ZNF454: variants seen among roughly 807,000 people sequenced by gnomAD.
The protein encoded by ZNF454 is zinc finger protein 454.
A neutral mutation model predicts 48.2 loss-of-function variants in ZNF454; 30 were observed. The ratio of observed to expected loss-of-function variants is 0.62; its 90% CI spans 0.47 to 0.84. ZNF454 has a LOEUF of 0.84. Among genes scored for constraint, ZNF454 ranks in the 40% least tolerant of loss-of-function variants. The pLI, the probability that ZNF454 is intolerant of heterozygous loss-of-function variation, is 0.00. For synonymous variants in ZNF454, 204 were observed against 211.4 expected, an observed-to-expected ratio of 0.97 and a Z score of 0.30; for missense variants, 510 against 623.1, an observed-to-expected ratio of 0.82 and a Z score of 1.93.
the ZNF454 span, among the ~76,000 whole-genome samples, chr5:178,971,446 C>A: frequency 6.6e-6 from 1 of 152,050 alleles, no homozygotes; most frequent in Non-Finnish European, 1.5e-5. Flanking sequence ...GTGATGAAGG[C>A]AGAGGAATGT....
rs1250858905 is a variant in ZNF454 at position 178,965,328 on chromosome 5, C to T, written c.924C>T (p.Ala308=). The change falls in exon 5 of 5, where the codon GCC becomes GCT. Residue 308 remains alanine, a synonymous_variant. Transcript: ENST00000519564. The surrounding 1 kb of genome is among the most constrained non-coding windows in gnomAD (Gnocchi z 5.2). ...TTAAATGTAACATTTGTGAAAAAGC[C>T]TTTGTGTGCAGGGCACACCTTACCA... ...KPFKCNICEK[A]FVCRAHLTKH... is the part of the protein sequence containing the mutation. 3 of 1,614,036 alleles carry T rather than the reference C, an allele frequency of 1.9e-6. No homozygotes were observed. The highest frequency in any genetic ancestry group is 2.2e-5 in the East Asian group (1 of 44,890).
At chr5:178,951,244 T>C (rs760561615) in intron 4 of ZNF454, among the ~76,000 whole-genome samples, 9 of 152,238 alleles carry the variant, frequency 5.9e-5, no homozygotes, top group Non-Finnish European at 1.0e-4. Flanking sequence ...AAAATAAATT[T>C]ATTTTGAATA....
downstream of ZNF454, chr5:178,969,690 A>G: frequency 2.2e-6 from 1 of 456,294 alleles, no homozygotes; most frequent in South Asian, 1.5e-5. Context: ...GGCCATAGAA[A>G]AAGGTAAGAG....
chr5:178,981,336 C>CAGGG, the ZNF454 span: 5 of 323,664 alleles, frequency 1.5e-5, no homozygotes, highest in Non-Finnish European at 2.3e-5. The surrounding 1 kb of genome is among the most constrained non-coding windows in gnomAD (Gnocchi z 5.1). Context: ...AGGCAAAGCC[C>CAGGG]AGGGCTTCAT....
At chr5:178,951,738 GTA>G (rs1359674720) in intron 4 of ZNF454, among the ~76,000 whole-genome samples, 1 of 152,016 alleles carries the variant, frequency 6.6e-6, no homozygotes, top group African/African-American at 2.4e-5. Flanking sequence ...GAATATTCTT[GTA>G]TATGTTTCCT....
At chr5:178,961,264 T>G (rs1291366367) in intron 4 of ZNF454, among the ~76,000 whole-genome samples, 1 of 151,708 alleles carries the variant, frequency 6.6e-6, no homozygotes, top group Non-Finnish European at 1.5e-5. Flanking sequence ...TTAGGTAAGT[T>G]ACTATGTATG....
chr5:178,966,802 C>G (rs1176814633), downstream of ZNF454, among the ~76,000 whole-genome samples: 1 of 152,072 alleles, frequency 6.6e-6, no homozygotes, highest in Non-Finnish European at 1.5e-5. Context: ...ATGCTTCCTG[C>G]CTTTTGCTTC....
rs186984839 is a variant in ZNF454, at chr5:178,944,155, G to A, written c.33+1331G>A. ...CACATTTAAACCTCCCCAAGGACTG[G>A]GATGTGTGGCAGGAATCACTGGAAA... is the stretch of plus-strand genomic sequence containing the variant. On this transcript the variant is annotated intron_variant, in intron 2 of 4. Transcript: ENST00000519564. The surrounding 1 kb of genome is among the most constrained non-coding windows in gnomAD (Gnocchi z 4.1). 1.3e-5 allele frequency among the ~76,000 whole-genome samples: 2 copies of A among 152,200 alleles called. No homozygotes were observed. The highest frequency in any genetic ancestry group is 3.8e-4 in the East Asian group (2 of 5,196).
the ZNF454 span, among the ~76,000 whole-genome samples, chr5:178,973,662 T>C: frequency 3.9e-5 from 6 of 152,040 alleles, no homozygotes; most frequent in Admixed American, 2.0e-4. Flanking sequence ...GCTAACACGG[T>C]GAAACCCCGT....
chr5:178,978,403 T>C, the ZNF454 span: 1 of 152,106 alleles, frequency 6.6e-6, no homozygotes, highest in African/African-American at 2.4e-5. Context: ...CAGTAAGCAA[T>C]GAATGTAATA....
chr5:178,949,889 A>G (rs1346501734), intron 4 of ZNF454, among the ~76,000 whole-genome samples: 3 of 152,220 alleles, frequency 2.0e-5, no homozygotes, highest in African/African-American at 4.8e-5. Flanking sequence ...TGCTGGGATT[A>G]CAGGTGTGAG....
chr5:178,973,538 A>T, the ZNF454 span, among the ~76,000 whole-genome samples: 2 of 152,092 alleles, frequency 1.3e-5, no homozygotes, highest in South Asian at 2.1e-4. Flanking sequence ...GTCTTTACTG[A>T]TTAAAAAAAA....
chr5:178,958,304 C>G (rs1759859221), intron 4 of ZNF454, among the ~76,000 whole-genome samples: 1 of 152,134 alleles, frequency 6.6e-6, no homozygotes, highest in African/African-American at 2.4e-5. Flanking sequence ...ACTACTCTGG[C>G]AATAGATTTG....
chr5:178,978,952 C>G, the ZNF454 span: 22 of 152,078 alleles, frequency 1.4e-4, no homozygotes, highest in African/African-American at 5.3e-4. Context: ...CACTGAACAC[C>G]ACAGAAATGA....
chr5:178,961,899 A>G (rs1760024757), intron 4 of ZNF454, among the ~76,000 whole-genome samples: 1 of 151,600 alleles, frequency 6.6e-6, no homozygotes, highest in Non-Finnish European at 1.5e-5. Flanking sequence ...TATATTTGCA[A>G]TCCATTAAGA....
At chr5:178,986,187 AG>A in the ZNF454 span, 45 of 1,613,950 alleles carry the variant, frequency 2.8e-5, no homozygotes, top group South Asian at 4.4e-4. Context: ...TGATGAAGGG[AG>A]GGGGTGTGAC....
At chr5:178,989,107 G>T in the ZNF454 span, 1 of 1,614,094 alleles carries the variant, frequency 6.2e-7, no homozygotes, top group Non-Finnish European at 8.5e-7. Context: ...CCTGCTCGTA[G>T]GTGGAGTCCC....
the ZNF454 span, chr5:178,985,889 G>A: frequency 3.5e-6 from 2 of 568,690 alleles, no homozygotes; most frequent in Non-Finnish European, 3.2e-6. Flanking sequence ...AGCCTCCCAA[G>A]TAGCTAGGAC....
downstream of ZNF454, among the ~76,000 whole-genome samples, chr5:178,967,469 T>C (rs185532996): frequency 4.3e-4 from 66 of 152,320 alleles, no homozygotes; most frequent in African/African-American, 1.4e-3. Context: ...GAGGTAGTAA[T>C]TCTATATTCA....
Sources: gnomAD v4.1 joint callset for allele counts (sites outside exome capture counted in the v4.1 genomes callset) on GRCh38, gnomAD v4.1.1 for gene constraint, Gnocchi (gnomAD v3.1) non-coding constraint, MANE v1.5 for transcripts, NCBI Gene and HGNC (gene_info 2026-07-23, HGNC 2026-07-21) for gene names.